PRCP: variants seen among roughly 807,000 people sequenced by gnomAD.
The protein encoded by PRCP is lysosomal Pro-X carboxypeptidase.
A neutral mutation model predicts 54.2 loss-of-function variants in PRCP; 46 were observed. The observed-to-expected ratio is 0.85, with a 90% CI of 0.67 to 1.09. The LOEUF is 1.09. Among genes scored for constraint, PRCP ranks in the 50% least tolerant of loss-of-function variants. The probability of loss-of-function intolerance (pLI) is 0.00; values close to 1 mark genes in which losing one functional copy is unlikely to be tolerated. For missense variants in PRCP, 613 were observed against 596.8 expected, an observed-to-expected ratio of 1.03 and a Z score of -0.28; for synonymous variants, 240 against 212.2, an observed-to-expected ratio of 1.13 and a Z score of -1.14.
intron 1 of PRCP, among the ~76,000 whole-genome samples, chr11:82,873,610 CTGGTTACCTCTGA>C (rs1565231082): frequency 6.6e-6 from 1 of 152,212 alleles, no homozygotes; most frequent in Non-Finnish European, 1.5e-5. Context: ...ACAATCTTCA[CTGGTTACCTCTGA>C]TGAATTAATA....
chr11:82,863,529 A>T (rs7952504), intron 1 of PRCP, among the ~76,000 whole-genome samples: 54,102 of 152,022 alleles, frequency 0.36, 9,947 homozygotes, highest in African/African-American at 0.43. Flanking sequence ...AGATTCTTGA[A>T]GATAATTTTG....
In PRCP at chr11:82,849,108, T is replaced by C. The variant is rs924439485; in HGVS notation, c.862A>G (p.Met288Val). 17 of 1,614,126 alleles carry C rather than the reference T, an allele frequency of 1.1e-5. No individual in the cohort carries two copies. Among genetic ancestry groups the C allele is most frequent in the South Asian group, 2.2e-5 (2 of 91,072 alleles). The change falls in exon 6 of 9, where the codon ATG becomes GTG. Residue 288 changes from methionine (M) to valine (V), a missense_variant. Coordinates refer to ENST00000313010, the MANE Select transcript of PRCP (RefSeq NM_005040.4). ...TTAGAGGCATAAGGATAGTCCACCA[T>C]TGCCAGATTCACCCAGGTTTCAGAG... is the stretch of plus-strand genomic sequence containing the variant. ...WISETWVNLA[M>V]VDYPYASNFL...
intron 1 of PRCP, among the ~76,000 whole-genome samples, chr11:82,864,643 C>T (rs772099193): frequency 1.3e-5 from 2 of 152,178 alleles, no homozygotes; most frequent in African/African-American, 4.8e-5. Context: ...AAGACAACAC[C>T]GTATGACCTT....
Position 82,850,450 on chromosome 11 carries a change from T to C in PRCP, c.467A>G (p.Glu156Gly). The C allele has an allele frequency of 6.2e-7, 1 of 1,603,142 alleles. No individual in the cohort carries two copies. Among genetic ancestry groups the C allele is most frequent in the Non-Finnish European group, 8.5e-7 (1 of 1,173,924 alleles). The change falls in exon 4 of 9, where the codon GAG becomes GGG. Residue 156 changes from glutamate (E) to glycine (G), a missense_variant. Transcript: ENST00000313010. ...TSEQALADFA[E>G]LIKHLKRTIP... Reference sequence around the variant, plus strand: ...TGTTCTTTTCAAGTGTTTGATTAACTCTGCAAAATCAGCCAGAGCTTGTTC... The same window carrying C: ...TGTTCTTTTCAAGTGTTTGATTAACCCTGCAAAATCAGCCAGAGCTTGTTC...
At chr11:82,897,237 C>A (rs990211879) in intron 1 of PRCP, among the ~76,000 whole-genome samples, 1 of 151,176 alleles carries the variant, frequency 6.6e-6, no homozygotes, top group South Asian at 2.1e-4. Flanking sequence ...TATTTGAAGA[C>A]CTTGAAAAAG....
At chr11:82,860,151 G>A in intron 1 of PRCP, 34 bp from the exon 2 acceptor site, 2 of 1,376,568 alleles carry the variant, frequency 1.5e-6, no homozygotes, top group South Asian at 1.6e-5. Flanking sequence ...ATATTTCAAA[G>A]GAAAGTAATA....
intron 1 of PRCP, among the ~76,000 whole-genome samples, chr11:82,897,383 A>C (rs944595619): frequency 6.6e-6 from 1 of 152,252 alleles, no homozygotes; most frequent in Non-Finnish European, 1.5e-5. Context: ...CTCTTTCAAC[A>C]ACTATTTATT....
chr11:82,868,763 A>C (rs905598838), intron 1 of PRCP, among the ~76,000 whole-genome samples: 6 of 152,142 alleles, frequency 3.9e-5, no homozygotes, highest in Non-Finnish European at 8.8e-5. Context: ...GGGCTGCCAC[A>C]ATGGCTCACA....
chr11:82,831,617 T>G (rs548680690), intron 8 of PRCP, among the ~76,000 whole-genome samples: 5 of 152,150 alleles, frequency 3.3e-5, no homozygotes, highest in Admixed American at 1.3e-4. Context: ...AGATTAAACT[T>G]CCCAACCGGA....
chr11:82,895,237 G>A (rs1860092034), intron 1 of PRCP, among the ~76,000 whole-genome samples: 1 of 152,148 alleles, frequency 6.6e-6, no homozygotes, highest in East Asian at 1.9e-4. Flanking sequence ...ATGAAAATAG[G>A]GGCTGCCTCT....
At chr11:82,847,760 T>C (rs1256910985) in intron 6 of PRCP, among the ~76,000 whole-genome samples, 2 of 151,206 alleles carry the variant, frequency 1.3e-5, no homozygotes, top group East Asian at 1.9e-4. Context: ...GCCCTGCTAA[T>C]TTTTTTGATT....
chr11:82,885,237 A>T (rs1859838231), intron 1 of PRCP, among the ~76,000 whole-genome samples: 1 of 152,190 alleles, frequency 6.6e-6, no homozygotes, highest in Non-Finnish European at 1.5e-5. Context: ...TGACATGTGT[A>T]ATATATATTT....
At chr11:82,898,793 C>T (rs775513899) in intron 1 of PRCP, among the ~76,000 whole-genome samples, 8 of 152,192 alleles carry the variant, frequency 5.3e-5, no homozygotes, top group Non-Finnish European at 8.8e-5. Flanking sequence ...AGTACCCCTG[C>T]TAAAATTAAA....
chr11:82,879,644 T>C (rs550138151), intron 1 of PRCP, among the ~76,000 whole-genome samples: 101 of 152,380 alleles, frequency 6.6e-4, no homozygotes, highest in South Asian at 1.9e-3. Context: ...TTTTCTGCTC[T>C]GGTTTCTCCC....
At chr11:82,887,924 T>C (rs1285695926) in intron 1 of PRCP, among the ~76,000 whole-genome samples, 2 of 152,134 alleles carry the variant, frequency 1.3e-5, no homozygotes, top group Non-Finnish European at 2.9e-5. Flanking sequence ...ATTCAGACTA[T>C]TACCACTAGG....
At chr11:82,889,616 T>C (rs1422800983) in intron 1 of PRCP, among the ~76,000 whole-genome samples, 3 of 150,482 alleles carry the variant, frequency 2.0e-5, no homozygotes, top group African/African-American at 4.9e-5. Context: ...GTGTTAGAGG[T>C]AGGGGTTAAA....
intron 6 of PRCP, 105 bp from the exon 7 acceptor site, chr11:82,839,530 T>G: frequency 2.4e-6 from 3 of 1,252,170 alleles, no homozygotes; most frequent in East Asian, 2.5e-5. Context: ...TCATAAAATA[T>G]TCTTAAGCTA....
At chr11:82,834,210 T>C (rs1215701338) in intron 8 of PRCP, among the ~76,000 whole-genome samples, 1 of 152,220 alleles carries the variant, frequency 6.6e-6, no homozygotes, top group Non-Finnish European at 1.5e-5. Context: ...CTGTGAGCGA[T>C]ACATTTGTGC....
At chr11:82,859,884 C>A in intron 2 of PRCP, 93 bp downstream of exon 2, 1 of 1,227,958 alleles carries the variant, frequency 8.1e-7, no homozygotes, top group Admixed American at 3.0e-5. Context: ...TTAAGAACAG[C>A]AATGTTTGGT....
Sources: gnomAD v4.1 joint callset for allele counts (sites outside exome capture counted in the v4.1 genomes callset) on GRCh38, gnomAD v4.1.1 for gene constraint, MANE v1.5 for transcripts, NCBI Gene and HGNC (gene_info 2026-07-23, HGNC 2026-07-21) for gene names.